TRAK1: variants seen among roughly 807,000 people sequenced by gnomAD.
TRAK1 encodes trafficking kinesin protein 1.
TRAK1 carries 33 observed loss-of-function variants against 92.1 expected under a neutral mutation model. That is an observed-to-expected ratio of 0.36 (90% CI 0.27 to 0.48). The LOEUF is 0.48. TRAK1 is among the 20% of genes least tolerant of loss of function. TRAK1 has a pLI of 0.99. For synonymous variants in TRAK1, 521 were observed against 517.3 expected (o/e 1.01, Z -0.10); for missense variants, 1,123 against 1,257.9 (o/e 0.89, Z 1.62).
chr3:42,091,955 T>A (rs556008924), intron 1 of TRAK1, among the ~76,000 whole-genome samples: 1 of 152,314 alleles, frequency 6.6e-6, no homozygotes, highest in African/African-American at 2.4e-5. Context: ...AGCTCTGATT[T>A]CTCTAATCCT....
chr3:42,016,901 ATAAACT>A (rs1371004503), intron 1 of TRAK1, among the ~76,000 whole-genome samples: 5 of 152,188 alleles, frequency 3.3e-5, no homozygotes, highest in African/African-American at 1.2e-4. Context: ...GGGAAGTTTG[ATAAACT>A]TTAAAGTACC....
At chr3:42,113,382 C>T (rs1220521082) in intron 1 of TRAK1, among the ~76,000 whole-genome samples, 1 of 37,550 alleles carries the variant, frequency 2.7e-5, no homozygotes, top group Non-Finnish European at 5.7e-5. Context: ...ACCCCTACCC[C>T]TACCCCTACC....
intron 3 of TRAK1, among the ~76,000 whole-genome samples, chr3:42,180,986 C>T (rs1000564840): frequency 6.6e-6 from 1 of 152,100 alleles, no homozygotes; most frequent in Non-Finnish European, 1.5e-5. Flanking sequence ...AGTGTTTGTC[C>T]TTAGTGGGGC....
chr3:42,171,918 TTTAC>T (rs2149345022), intron 2 of TRAK1, among the ~76,000 whole-genome samples: 1 of 152,300 alleles, frequency 6.6e-6, no homozygotes, highest in Admixed American at 6.5e-5. Context: ...TAAAGGCTGC[TTTAC>T]TTGTTTTCAG....
chr3:42,174,660 T>TATATAC (rs1553747394), intron 2 of TRAK1, among the ~76,000 whole-genome samples: 1 of 148,890 alleles, frequency 6.7e-6, no homozygotes, highest in Non-Finnish European at 1.5e-5. Flanking sequence ...TATATATATA[T>TATATAC]ACACACAAAA....
At chr3:42,157,726 A>C (rs1465109662) in intron 2 of TRAK1, among the ~76,000 whole-genome samples, 2 of 152,210 alleles carry the variant, frequency 1.3e-5, no homozygotes, top group Non-Finnish European at 2.9e-5. Flanking sequence ...AGATTAAAGA[A>C]GACTCAAGAG....
intron 1 of TRAK1, among the ~76,000 whole-genome samples, chr3:42,111,285 A>G (rs72869911): frequency 0.022 from 3,317 of 152,268 alleles, 129 homozygotes; most frequent in African/African-American, 0.075. Context: ...TTTGGGAGGA[A>G]CTCATAGTTT....
At position 42,188,047 on chromosome 3, in the gene TRAK1, G is replaced by A. The variant is rs544094997; in HGVS notation, c.483G>A (p.Val161=). ...ATGGGCCTGCTCTGCTTGTGCAGGT[G>A]TCTCAGCTCCGGCATGAGCTGTCCA... ...EEQVEHIREE[V]SQLRHELSMK... is the part of the protein sequence containing the mutation. The change falls in exon 5 of 16, where the codon GTG becomes GTA. Residue 161 remains valine (V), a splice_region_variant and synonymous_variant. Coordinates refer to ENST00000327628, the MANE Select transcript of TRAK1 (RefSeq NM_001042646.3). 57 of 1,613,776 alleles carry A rather than the reference G, an allele frequency of 3.5e-5. No homozygotes were observed. Among genetic ancestry groups the A allele is most frequent in the African/African-American group, 5.3e-5 (4 of 74,916 alleles).
intron 1 of TRAK1, among the ~76,000 whole-genome samples, chr3:42,058,595 C>T (rs1035483930): frequency 2.0e-5 from 3 of 152,280 alleles, no homozygotes; most frequent in African/African-American, 2.4e-5. Flanking sequence ...CTGCCTGCCT[C>T]GGCCTCTCAA....
chr3:42,073,498 C>T (rs1313322852), intron 1 of TRAK1, among the ~76,000 whole-genome samples: 1 of 152,162 alleles, frequency 6.6e-6, no homozygotes, highest in Non-Finnish European at 1.5e-5. Flanking sequence ...GCCTTTTCCC[C>T]AACCCCTGCC....
At chr3:42,163,248 C>T (rs1461233320) in intron 2 of TRAK1, among the ~76,000 whole-genome samples, 2 of 152,146 alleles carry the variant, frequency 1.3e-5, no homozygotes, top group Admixed American at 6.5e-5. Flanking sequence ...CCAGCAGCAT[C>T]AGGATCACCT....
chr3:42,101,849 G>A (rs1576352907), intron 1 of TRAK1, among the ~76,000 whole-genome samples: 1 of 152,158 alleles, frequency 6.6e-6, no homozygotes. Flanking sequence ...AAGCCAAATA[G>A]TATTCAAAGA....
chr3:42,114,568 G>A (rs1307539030), intron 1 of TRAK1, among the ~76,000 whole-genome samples: 1 of 152,178 alleles, frequency 6.6e-6, no homozygotes, highest in Non-Finnish European at 1.5e-5. Context: ...TACTGCAAGT[G>A]TTGTTCCAAT....
At chr3:42,067,266 T>C (rs766888003) in intron 1 of TRAK1, among the ~76,000 whole-genome samples, 1 of 152,244 alleles carries the variant, frequency 6.6e-6, no homozygotes, top group Non-Finnish European at 1.5e-5. Context: ...AAGGAACTTT[T>C]ATGTGATACA....
intron 3 of TRAK1, among the ~76,000 whole-genome samples, chr3:42,178,802 A>T (rs1703574966): frequency 6.6e-6 from 1 of 151,938 alleles, no homozygotes; most frequent in African/African-American, 2.4e-5. Flanking sequence ...TGGCCAAACC[A>T]TGTGTCTACA....
At chr3:42,115,298 G>A (rs1323750631) in intron 1 of TRAK1, among the ~76,000 whole-genome samples, 1 of 152,012 alleles carries the variant, frequency 6.6e-6, no homozygotes, top group Non-Finnish European at 1.5e-5. Flanking sequence ...TGGGGCCTCC[G>A]TAACAGGATC....
At chr3:42,061,524 A>C (rs1447952065) in intron 1 of TRAK1, among the ~76,000 whole-genome samples, 2 of 152,052 alleles carry the variant, frequency 1.3e-5, no homozygotes, top group Non-Finnish European at 2.9e-5. Flanking sequence ...CGGGGAAAAC[A>C]ATCAGCTGCT....
In TRAK1 at chr3:42,223,191, G is replaced by A. The variant is rs200326631; in HGVS notation, c.2316G>A (p.Thr772=). Residue 772 remains threonine (T), a synonymous_variant, in exon 16 of 16, where the codon ACG becomes ACA. Transcript: ENST00000327628. This position sits in a 1 kb window ranked among gnomAD's most constrained non-coding sequence, Gnocchi z 6.1. ...GGGGCTCCCTCCTGCACTCCTACACGCCCAAGATGGCTGTGATCCCCTCTA... is the reference window on the plus strand; with the variant it reads ...GGGGCTCCCTCCTGCACTCCTACACACCCAAGATGGCTGTGATCCCCTCTA... The part of the protein sequence containing the change: ...AGRGSLLHSY[T]PKMAVIPSTP... 369 of 1,613,896 alleles carry A rather than the reference G, an allele frequency of 2.3e-4. No homozygotes were observed. The highest frequency in any genetic ancestry group is 3.7e-4 in the Admixed American group (22 of 60,010).
intron 1 of TRAK1, among the ~76,000 whole-genome samples, chr3:42,050,527 G>A (rs1454048757): frequency 1.3e-5 from 2 of 152,126 alleles, no homozygotes; most frequent in Non-Finnish European, 2.9e-5. Flanking sequence ...ACCCCTGCAG[G>A]TAATCTTGGC....
Sources: gnomAD v4.1 joint callset for allele counts (sites outside exome capture counted in the v4.1 genomes callset) on GRCh38, gnomAD v4.1.1 for gene constraint, Gnocchi (gnomAD v3.1) non-coding constraint, MANE v1.5 for transcripts, NCBI Gene and HGNC (gene_info 2026-07-23, HGNC 2026-07-21) for gene names.